Variants in XPR1 observed in about 807,000 individuals in gnomAD.
XPR1 encodes the protein xenotropic and polytropic retrovirus receptor 1.
In XPR1, 28 loss-of-function variants were observed where a neutral mutation model predicts 87.5. That is an observed-to-expected ratio of 0.32 (90% CI 0.24 to 0.44). The LOEUF (loss-of-function observed/expected upper bound fraction) is 0.44. Ranked by LOEUF, XPR1 falls within the 20% of genes least tolerant of loss-of-function variation. The pLI is 1.00. For synonymous variants in XPR1, 300 were observed against 306.1 expected (o/e 0.98, Z 0.21); for missense variants, 559 against 862.3 (o/e 0.65, Z 4.41).
chr1:180,804,038 T>C (rs190946464), intron 4 of XPR1, among the ~76,000 whole-genome samples: 191 of 151,532 alleles, frequency 1.3e-3, no homozygotes, highest in African/African-American at 4.5e-3. Flanking sequence ...CAGGCTGGAG[T>C]AAAATGACAC....
At chr1:180,711,926 A>T (rs1261095855) in intron 2 of XPR1, among the ~76,000 whole-genome samples, 1 of 152,106 alleles carries the variant, frequency 6.6e-6, no homozygotes, top group East Asian at 1.9e-4. Flanking sequence ...ATATACACAT[A>T]TCAGTTGTTC....
chr1:180,707,997 T>C (rs1468386787), intron 2 of XPR1, among the ~76,000 whole-genome samples: 2 of 152,144 alleles, frequency 1.3e-5, no homozygotes, highest in Admixed American at 6.5e-5. Flanking sequence ...AGTTGGAAAT[T>C]TAAATAAAAC....
chr1:180,703,763 T>C (rs1387853057), intron 2 of XPR1, among the ~76,000 whole-genome samples: 3 of 152,208 alleles, frequency 2.0e-5, no homozygotes, highest in Non-Finnish European at 4.4e-5. Flanking sequence ...TGGTTTGTAA[T>C]GACACCATTT....
At chr1:180,707,983 G>A (rs1486889625) in intron 2 of XPR1, among the ~76,000 whole-genome samples, 6 of 152,058 alleles carry the variant, frequency 3.9e-5, no homozygotes, top group East Asian at 1.9e-4. Flanking sequence ...CTTTTAGAAC[G>A]CCTAGTTGGA....
At chr1:180,875,466 GC>G (rs1361659231) in intron 13 of XPR1, among the ~76,000 whole-genome samples, 1 of 145,772 alleles carries the variant, frequency 6.9e-6, no homozygotes, top group African/African-American at 2.6e-5. Flanking sequence ...TCAAGATCAT[GC>G]CACTGCACTC....
chr1:180,670,716 C>T (rs1656140539), intron 1 of XPR1, among the ~76,000 whole-genome samples: 1 of 152,140 alleles, frequency 6.6e-6, no homozygotes, highest in Admixed American at 6.5e-5. Flanking sequence ...TTTCTTTATA[C>T]AGCTTTGAGT....
chr1:180,705,842 T>C (rs1657539937), intron 2 of XPR1, among the ~76,000 whole-genome samples: 1 of 152,200 alleles, frequency 6.6e-6, no homozygotes, highest in African/African-American at 2.4e-5. Flanking sequence ...TAGGTAGATA[T>C]CCTCAGAAGC....
intron 2 of XPR1, among the ~76,000 whole-genome samples, chr1:180,734,908 G>T (rs1658679622): frequency 6.6e-6 from 1 of 152,130 alleles, no homozygotes; most frequent in Non-Finnish European, 1.5e-5. Flanking sequence ...TAGCAGCAAG[G>T]ATGTCATTAT....
At chr1:180,839,046 A>G (rs1651408959) in intron 11 of XPR1, among the ~76,000 whole-genome samples, 2 of 152,118 alleles carry the variant, frequency 1.3e-5, no homozygotes, top group Non-Finnish European at 2.9e-5. Flanking sequence ...TTCAGTTTTT[A>G]TATAAGTAAA....
At chr1:180,732,328 C>A (rs558883968) in intron 2 of XPR1, among the ~76,000 whole-genome samples, 1 of 151,470 alleles carries the variant, frequency 6.6e-6, no homozygotes, top group Admixed American at 6.6e-5. Context: ...GATACATTTT[C>A]TCATGGTTAT....
chr1:180,760,726 G>A (rs965995336), intron 2 of XPR1, among the ~76,000 whole-genome samples: 4 of 152,112 alleles, frequency 2.6e-5, no homozygotes, highest in Non-Finnish European at 5.9e-5. Flanking sequence ...TCACCATCAA[G>A]CTACCAATGG....
intron 11 of XPR1, among the ~76,000 whole-genome samples, chr1:180,845,233 A>G (rs556273353): frequency 2.0e-5 from 3 of 152,336 alleles, no homozygotes; most frequent in African/African-American, 7.2e-5. Context: ...TTGGTAGAGT[A>G]TAAATTTGTA....
At chr1:180,687,271 T>C (rs748308718) in intron 2 of XPR1, among the ~76,000 whole-genome samples, 1 of 152,172 alleles carries the variant, frequency 6.6e-6, no homozygotes, top group Non-Finnish European at 1.5e-5. Context: ...TCTTGTATTT[T>C]TTAAATTTTC....
In XPR1 at chr1:180,806,072, T is replaced by C; in HGVS notation, c.458T>C (p.Phe153Ser). ...CATTTCTTTCTGTAGAATCTGAATTTTACAGGGTTTCGAAAAATCCTGAAA... is the reference window on the plus strand; with the variant it reads ...CATTTCTTTCTGTAGAATCTGAATTCTACAGGGTTTCGAAAAATCCTGAAA... ...ILLQNYQNLNFTGFRKILKKH... is the reference protein window; with the variant it reads ...ILLQNYQNLNSTGFRKILKKH... Residue 153 changes from phenylalanine (F) to serine (S), a missense_variant, in exon 5 of 15, where the codon TTT becomes TCT. This residue lies in a region of XPR1 where 159 missense variants were observed against 263.3 expected (regional missense o/e 0.60). Coordinates refer to ENST00000367590, the MANE Select transcript of XPR1 (RefSeq NM_004736.4). 6.2e-7 allele frequency: 1 copy of C among 1,612,928 alleles called. No individual in the cohort carries two copies. Among genetic ancestry groups the C allele is most frequent in the Non-Finnish European group, 8.5e-7 (1 of 1,179,442 alleles).
intron 2 of XPR1, among the ~76,000 whole-genome samples, chr1:180,689,103 C>T (rs367755654): frequency 8.9e-4 from 136 of 152,044 alleles, no homozygotes; most frequent in African/African-American, 2.8e-3. Context: ...ACCAAGGTAA[C>T]GGAACTAAGA....
chr1:180,853,851 G>A (rs555295684), intron 11 of XPR1, among the ~76,000 whole-genome samples: 5 of 148,380 alleles, frequency 3.4e-5, no homozygotes, highest in Non-Finnish European at 7.4e-5. Context: ...GAAATCAGTG[G>A]GAATTATCTG....
At chr1:180,826,908 C>T (rs1479195472) in intron 9 of XPR1, among the ~76,000 whole-genome samples, 2 of 151,826 alleles carry the variant, frequency 1.3e-5, no homozygotes. Context: ...CGTCCCAGCA[C>T]TTTGGGAGGC....
chr1:180,652,763 A>G (rs956775373), intron 1 of XPR1, among the ~76,000 whole-genome samples: 2 of 152,242 alleles, frequency 1.3e-5, no homozygotes, highest in Non-Finnish European at 2.9e-5. Context: ...AGCTTGATGT[A>G]TGAATTAACT....
chr1:180,720,226 A>G (rs1222402715), intron 2 of XPR1, among the ~76,000 whole-genome samples: 1 of 152,208 alleles, frequency 6.6e-6, no homozygotes, highest in Non-Finnish European at 1.5e-5. Flanking sequence ...ATAAAAAATA[A>G]TTAAACCAAG....
Sources: gnomAD v4.1 joint callset for allele counts (sites outside exome capture counted in the v4.1 genomes callset) on GRCh38, gnomAD v4.1.1 for gene constraint, gnomAD v4.1.1 regional missense constraint, MANE v1.5 for transcripts, NCBI Gene and HGNC (gene_info 2026-07-23, HGNC 2026-07-21) for gene names.